Variants in ZNF197 observed in about 807,000 individuals in gnomAD.
ZNF197 encodes the protein VHL-associated KRAB-A domain-containing protein.
ZNF197 carries 14 observed loss-of-function variants against 27.4 expected under a neutral mutation model. The ratio of observed to expected loss-of-function variants is 0.51; its 90% CI spans 0.34 to 0.80. The LOEUF is 0.80. ZNF197 is among the 30% of genes least tolerant of loss of function. The pLI, the probability that ZNF197 is intolerant of heterozygous loss-of-function variation, is 0.02. For synonymous variants in ZNF197, 415 were observed against 420.0 expected (o/e 0.99, Z 0.15); for missense variants, 1,090 against 1,222.6 (o/e 0.89, Z 1.62).
At chr3:44,641,354 C>CT (rs1218231231) in intron 5 of ZNF197, among the ~76,000 whole-genome samples, 1 of 152,120 alleles carries the variant, frequency 6.6e-6, no homozygotes, top group Non-Finnish European at 1.5e-5. Context: ...TATATGAATT[C>CT]TAAGAATTAA....
Position 44,642,571 on chromosome 3 carries a change from C to T in ZNF197, c.1441C>T (p.Pro481Ser). ...TCTAAGGCGCCATTCAGGGGAGAGACCTTATAAGTGTAATGAATGTGGGAA... is the reference window on the plus strand; with the variant it reads ...TCTAAGGCGCCATTCAGGGGAGAGATCTTATAAGTGTAATGAATGTGGGAA... ...IHLRRHSGERPYKCNECGKVF... is the reference protein window; with the variant it reads ...IHLRRHSGERSYKCNECGKVF... The change falls in exon 6 of 6, where the codon CCT becomes TCT. Residue 481 changes from proline (P) to serine (S), a missense_variant. Coordinates refer to ENST00000344387, the MANE Select transcript of ZNF197 (RefSeq NM_006991.5). 6.2e-7 allele frequency: 1 copy of T among 1,614,104 alleles called. No individual in the cohort carries two copies. The highest frequency in any genetic ancestry group is 8.5e-7 in the Non-Finnish European group (1 of 1,180,022).
In ZNF197 at chr3:44,646,809, A is replaced by G. The variant is rs1702983865; in HGVS notation, c.*2589A>G. 1 of 352,040 alleles carries G rather than the reference A, an allele frequency of 2.8e-6. No homozygotes were observed. Among genetic ancestry groups the G allele is most frequent in the South Asian group, 4.4e-5 (1 of 22,948 alleles). The allele number at this position is 352,040 out of a possible 1,614,324, so 21.8% of individuals were successfully genotyped here. A position where few individuals can be genotyped will look rare whatever the true frequency, so the allele number is the denominator to read the frequency against. On this transcript the variant is annotated 3_prime_UTR_variant, in exon 6 of 6. Transcript: ENST00000344387. ...CAGAAATAGACTCACATAAATGGCC[A>G]ATTGATTTTTGACAGGGGCAAAAGC...
Position 44,629,389 on chromosome 3 carries a change from G to A in ZNF197, c.235G>A (p.Ala79Thr). ...GCTGAGACCAGAAGCACGCACCAAG[G>A]CACAGATCCTGGAGCTGCTGGTGCT... Reference protein sequence around the residue: ...RWLRPEARTKAQILELLVLEQ... With the variant: ...RWLRPEARTKTQILELLVLEQ... Residue 79 changes from alanine (A) to threonine (T), a missense_variant, in exon 2 of 6, where the codon GCA becomes ACA. Ala to Thr is a moderately conservative substitution (Grantham distance 58, BLOSUM62 0). Transcript: ENST00000344387. 1 of 1,614,182 alleles carries A rather than the reference G, an allele frequency of 6.2e-7. No individual in the cohort carries two copies. The highest frequency in any genetic ancestry group is 8.5e-7 in the Non-Finnish European group (1 of 1,180,030).
intron 5 of ZNF197, among the ~76,000 whole-genome samples, chr3:44,635,981 C>T (rs887556186): frequency 3.3e-5 from 5 of 152,150 alleles, no homozygotes; most frequent in African/African-American, 4.8e-5. Flanking sequence ...TGTGTATTCA[C>T]AGAGTTGTGC....
chr3:44,644,077 G>GA lies in ZNF197; in HGVS notation c.2952dup (p.Pro985ThrfsTer3). The GA allele has an allele frequency of 6.2e-7, 1 of 1,614,074 alleles. No homozygotes were observed. Among genetic ancestry groups the GA allele is most frequent in the Non-Finnish European group, 8.5e-7 (1 of 1,180,000 alleles). The stretch of plus-strand genomic sequence containing the variant: ...TGTACATCAGAAAATCCACACAGAT[G>GA]AAAAACCTTGTGAATGTGATGTGTC... On this transcript the variant is annotated frameshift_variant, in exon 6 of 6. Transcript: ENST00000344387. LOFTEE classifies it low-confidence loss of function (END_TRUNC).
rs1702999421 is a variant in ZNF197, at chr3:44,647,161, A to T, written c.*2941A>T. 6.6e-6 allele frequency: 1 copy of T among 152,260 alleles called. No homozygotes were observed. The highest frequency in any genetic ancestry group is 1.5e-5 in the Non-Finnish European group (1 of 68,038). The allele number at this position is 152,260 out of a possible 1,614,324, so 9.4% of individuals were successfully genotyped here. ...AATAAGTAAATACAATTAGAAAATA[A>T]GCAAAAGACAGACATTTCACTGAAG... On this transcript the variant is annotated 3_prime_UTR_variant, in exon 6 of 6. Coordinates refer to ENST00000344387, the MANE Select transcript of ZNF197 (RefSeq NM_006991.5).
chr3:44,628,232 C>T (rs1701778862), intron 1 of ZNF197, among the ~76,000 whole-genome samples: 1 of 151,638 alleles, frequency 6.6e-6, no homozygotes, highest in Non-Finnish European at 1.5e-5. Flanking sequence ...AGAATAATAG[C>T]AGTGATTGTT....
In ZNF197 at chr3:44,629,183, C is replaced by T. The variant is rs1186830650; in HGVS notation, c.29C>T (p.Ala10Val). The change falls in exon 2 of 6, where the codon GCT (alanine) becomes GTT (valine). Residue 10 changes from alanine to valine, a missense_variant. By Grantham distance (64) the Ala-to-Val change is moderately conservative. Coordinates refer to ENST00000344387, the MANE Select transcript of ZNF197 (RefSeq NM_006991.5). Reference sequence around the variant, plus strand: ...ACAAGAGAAAATGTAGCCCACAATGCTCTGAGACAAGAGGGCCTTGTGAAG... The same window carrying T: ...ACAAGAGAAAATGTAGCCCACAATGTTCTGAGACAAGAGGGCCTTGTGAAG... MTRENVAHN[A>V]LRQEGLVKGK... is the part of the protein sequence containing the mutation. The T allele has an allele frequency of 1.2e-6, 2 of 1,613,190 alleles. No homozygotes were observed. The highest frequency in any genetic ancestry group is 1.7e-6 in the Non-Finnish European group (2 of 1,179,610).
At chr3:44,641,814 C>G in intron 5 of ZNF197, 86 bp from the exon 6 acceptor site, 1 of 1,423,082 alleles carries the variant, frequency 7.0e-7, no homozygotes, top group South Asian at 1.6e-5. Context: ...GTGTGCCTTC[C>G]TAGAATGTTT....
chr3:44,644,657 C>T lies in ZNF197; in HGVS notation c.*437C>T. 1 of 987,204 alleles carries T rather than the reference C, an allele frequency of 1.0e-6. No homozygotes were observed. The highest frequency in any genetic ancestry group is 1.2e-6 in the Non-Finnish European group (1 of 831,332). The allele number at this position is 987,204 out of a possible 1,614,324, so 61.2% of individuals were successfully genotyped here. On this transcript the variant is annotated 3_prime_UTR_variant, in exon 6 of 6. Coordinates refer to ENST00000344387, the MANE Select transcript of ZNF197 (RefSeq NM_006991.5). ...TCTTGTCTGAAAAAATAAAGTTCAT[C>T]CCAACTTTCAAGTCTACAAAAACAT... is the stretch of plus-strand genomic sequence containing the variant.
Position 44,647,938 on chromosome 3 carries a change from C to G in ZNF197, c.*3718C>G, listed in dbSNP as rs1179179561. The G allele has an allele frequency of 2.0e-5, 3 of 152,160 alleles. No individual in the cohort carries two copies. Among genetic ancestry groups the G allele is most frequent in the Non-Finnish European group, 4.4e-5 (3 of 68,036 alleles). The allele number at this position is 152,160 out of a possible 1,614,324, so 9.4% of individuals were successfully genotyped here. ...TAGGTGCTATACCTATACACACATA[C>G]TGTACCAATGTTGATTTCCTTTTTC... is the stretch of plus-strand genomic sequence containing the variant. On this transcript the variant is annotated 3_prime_UTR_variant, in exon 6 of 6. Transcript: ENST00000344387.
chr3:44,634,617 T>C lies in ZNF197; in HGVS notation c.769+2018T>C, dbSNP rs145321839. On this transcript the variant is annotated intron_variant, in intron 5 of 5. Transcript: ENST00000344387. ...GGCATGCACCACCAGGCCCAGCTAA[T>C]TTTTGTATTTTTAGTAGAGACGGGG... Among the ~76,000 whole-genome samples, 1,315 of 152,008 alleles carry C rather than the reference T, an allele frequency of 8.7e-3. 15 individuals are homozygous for C. The highest frequency in any genetic ancestry group is 0.03 in the African/African-American group (1,253 of 41,480).
rs761989211 is a variant in ZNF197, at chr3:44,629,267, G to C, written c.113G>C (p.Trp38Ser). 6.2e-7 allele frequency: 1 copy of C among 1,614,182 alleles called. No individual in the cohort carries two copies. The highest frequency in any genetic ancestry group is 8.5e-7 in the Non-Finnish European group (1 of 1,180,038). The part of the protein sequence containing the change: ...TSFQGSSSSV[W>S]ETSHLHFRQL... ...TTCCAAGGAAGTAGCTCCTCTGTTT[G>C]GGAGACCTCCCACCTACACTTTAGA... Residue 38 changes from tryptophan to serine, a missense_variant, in exon 2 of 6, where the codon TGG becomes TCG. Coordinates refer to ENST00000344387, the MANE Select transcript of ZNF197 (RefSeq NM_006991.5).
chr3:44,628,406 T>C (rs1701790427), intron 1 of ZNF197, among the ~76,000 whole-genome samples: 1 of 152,196 alleles, frequency 6.6e-6, no homozygotes. Context: ...GGCAAATTTA[T>C]CCAAATATTT....
intron 5 of ZNF197, among the ~76,000 whole-genome samples, chr3:44,635,838 T>C (rs1255331356): frequency 7.2e-5 from 11 of 152,054 alleles, no homozygotes; most frequent in African/African-American, 1.5e-4. Context: ...GATGGAAGGA[T>C]TGGGACAGTG....
rs1375056685 is a variant in ZNF197 at position 44,644,763 on chromosome 3, T to C, written c.*543T>C. On this transcript the variant is annotated 3_prime_UTR_variant, in exon 6 of 6. Coordinates refer to ENST00000344387, the MANE Select transcript of ZNF197 (RefSeq NM_006991.5). ...GGCTGGGTGCAGTGGCTCACTCCTG[T>C]AGTCCCAGGACTTTGGGAGGCCGAG... 2 of 985,346 alleles carry C rather than the reference T, an allele frequency of 2.0e-6. No individual in the cohort carries two copies. Among genetic ancestry groups the C allele is most frequent in the Non-Finnish European group, 2.4e-6 (2 of 829,968 alleles). The allele number at this position is 985,346 out of a possible 1,614,324, so 61.0% of individuals were successfully genotyped here.
At chr3:44,637,269 C>T (rs566033465) in intron 5 of ZNF197, among the ~76,000 whole-genome samples, 59 of 152,078 alleles carry the variant, frequency 3.9e-4, no homozygotes, top group Non-Finnish European at 7.4e-4. Context: ...GCTGGGATTA[C>T]AAATGCACCC....
intron 1 of ZNF197, 178 bp from the exon 2 acceptor site, chr3:44,628,896 G>T (rs1701820742): frequency 3.0e-6 from 1 of 333,720 alleles, no homozygotes; most frequent in Non-Finnish European, 5.4e-6. Context: ...ATGAGTGTTT[G>T]TATCCCAGAG....
At chr3:44,641,081 G>T (rs1426306509) in intron 5 of ZNF197, among the ~76,000 whole-genome samples, 1 of 152,144 alleles carries the variant, frequency 6.6e-6, no homozygotes, top group Admixed American at 6.5e-5. Flanking sequence ...TCACACTTGG[G>T]TAGTTTGAAA....
Sources: gnomAD v4.1 joint callset for allele counts (sites outside exome capture counted in the v4.1 genomes callset) on GRCh38, gnomAD v4.1.1 for gene constraint, MANE v1.5 for transcripts, NCBI Gene and HGNC (gene_info 2026-07-23, HGNC 2026-07-21) for gene names.